The following RBFOX1 variants were observed in gnomAD, a reference collection of about 807,000 sequenced individuals.
The protein encoded by RBFOX1 is RNA binding fox-1 homolog 1.
In RBFOX1, 8 loss-of-function variants were observed where a neutral mutation model predicts 57.7. That is an observed-to-expected ratio of 0.14 (90% CI 0.08 to 0.25). The LOEUF (loss-of-function observed/expected upper bound fraction) is 0.25, where lower values mean the gene tolerates loss of function less well. Among genes scored for constraint, RBFOX1 ranks in the 10% least tolerant of loss-of-function variants. The pLI, the probability that RBFOX1 is intolerant of heterozygous loss-of-function variation, is 1.00. For missense variants in RBFOX1, 611 were observed against 548.5 expected (o/e 1.11, Z -1.14); for synonymous variants, 326 against 222.4 (o/e 1.47, Z -4.15).
intron 3 of RBFOX1, among the ~76,000 whole-genome samples, chr16:5,821,869 C>T (rs2055869502): frequency 6.6e-6 from 1 of 152,188 alleles, no homozygotes; most frequent in Non-Finnish European, 1.5e-5. Context: ...AGCCAGTTTC[C>T]TGCAGCCCTT....
At chr16:5,837,992 C>G (rs987450847) in intron 3 of RBFOX1, 1 of 152,226 alleles carries the variant, frequency 6.6e-6, no homozygotes, top group Non-Finnish European at 1.5e-5. Flanking sequence ...TCTGTGGACT[C>G]CAGTTCTAGG....
At chr16:5,436,167 T>G (rs1442438490) in intron 1 of RBFOX1, among the ~76,000 whole-genome samples, 3 of 152,186 alleles carry the variant, frequency 2.0e-5, no homozygotes, top group African/African-American at 7.2e-5. Flanking sequence ...TGCCTTTCTC[T>G]GGGGAGAGAC....
chr16:6,388,397 A>G (rs2152928449), intron 2 of RBFOX1, among the ~76,000 whole-genome samples: 1 of 152,320 alleles, frequency 6.6e-6, no homozygotes, highest in South Asian at 2.1e-4. Context: ...AAGAGCAGAA[A>G]GAAAGAAATG....
chr16:5,941,946 G>A (rs918864056), intron 4 of RBFOX1, among the ~76,000 whole-genome samples: 2 of 151,304 alleles, frequency 1.3e-5, no homozygotes, highest in South Asian at 2.1e-4. Context: ...AGATAACAAC[G>A]ACCACCATTG....
At chr16:6,641,029 C>T (rs914946672) in intron 2 of RBFOX1, among the ~76,000 whole-genome samples, 9 of 152,164 alleles carry the variant, frequency 5.9e-5, no homozygotes, top group South Asian at 2.1e-4. Context: ...ACTTGATGGG[C>T]GTAAACTCAC....
intron 1 of RBFOX1, chr16:6,092,678 T>G (rs1225719849): frequency 1.3e-5 from 2 of 152,224 alleles, no homozygotes; most frequent in Admixed American, 6.5e-5. Flanking sequence ...TTGTCAACTT[T>G]GTCGAAGATC....
intron 2 of RBFOX1, among the ~76,000 whole-genome samples, chr16:6,634,812 TATA>T (rs1399242029): frequency 1.4e-5 from 2 of 140,006 alleles, no homozygotes; most frequent in South Asian, 2.3e-4. Context: ...TTGTATTATA[TATA>T]ATACAAAGAT....
intron 2 of RBFOX1, among the ~76,000 whole-genome samples, chr16:6,608,929 C>T (rs1279314172): frequency 6.6e-6 from 1 of 152,126 alleles, no homozygotes; most frequent in Non-Finnish European, 1.5e-5. Context: ...CTTTTAGAAT[C>T]CACTCTGCTC....
chr16:7,683,691 A>G (rs569586358), intron 14 of RBFOX1, among the ~76,000 whole-genome samples: 2 of 152,206 alleles, frequency 1.3e-5, no homozygotes, highest in East Asian at 3.9e-4. Flanking sequence ...GGCCACAAAA[A>G]AGGAAATAAA....
At chr16:7,686,536 A>G (rs1369069316) in intron 14 of RBFOX1, among the ~76,000 whole-genome samples, 2 of 151,974 alleles carry the variant, frequency 1.3e-5, no homozygotes, top group Non-Finnish European at 2.9e-5. Flanking sequence ...CTTTGGGTGG[A>G]GAGAGAAAGA....
chr16:6,941,969 C>G (rs929496200), intron 3 of RBFOX1, among the ~76,000 whole-genome samples: 3 of 152,148 alleles, frequency 2.0e-5, no homozygotes, highest in African/African-American at 7.2e-5. Context: ...TGGCTCACAC[C>G]TGTAATCCCA....
In RBFOX1 at chr16:7,187,879, A is replaced by G. The variant is rs558884333; in HGVS notation, c.27+135781A>G. ...TAATTTATGGCGGTCATATTGGAAA[A>G]TGTTCACCATGTATTGTCAAGTGAA... On this transcript the variant is annotated intron_variant, in intron 4 of 15. Transcript: ENST00000550418. Among the ~76,000 whole-genome samples the G allele has an allele frequency of 9.7e-4, 147 of 152,242 alleles. 1 individual carries two copies. Among genetic ancestry groups the G allele is most frequent in the Middle Eastern group, 3.4e-3 (1 of 292 alleles).
intron 2 of RBFOX1, among the ~76,000 whole-genome samples, chr16:6,605,642 T>C (rs1226258403): frequency 6.6e-6 from 1 of 152,232 alleles, no homozygotes; most frequent in Non-Finnish European, 1.5e-5. Flanking sequence ...TTAATACTCG[T>C]TCATTGTTCC....
chr16:6,589,336 G>A (rs551214592), intron 2 of RBFOX1, among the ~76,000 whole-genome samples: 1 of 152,338 alleles, frequency 6.6e-6, no homozygotes, highest in South Asian at 2.1e-4. Context: ...TGGGAGACCA[G>A]CGTGTTGTTA....
intron 1 of RBFOX1, among the ~76,000 whole-genome samples, chr16:6,060,823 G>A (rs993130261): frequency 6.6e-6 from 1 of 152,194 alleles, no homozygotes. Context: ...ATCTACAGGA[G>A]CAGAGATTAC....
intron 1 of RBFOX1, among the ~76,000 whole-genome samples, chr16:6,117,469 A>T (rs565680513): frequency 6.6e-6 from 1 of 152,362 alleles, no homozygotes; most frequent in Non-Finnish European, 1.5e-5. Flanking sequence ...ATGTGATAGG[A>T]TTAAGAGGTG....
intron 1 of RBFOX1, among the ~76,000 whole-genome samples, chr16:5,413,847 T>TG (rs1349309471): frequency 6.6e-6 from 1 of 152,074 alleles, no homozygotes; most frequent in East Asian, 1.9e-4. Context: ...GTAGGGTTGT[T>TG]GGGGGAAGGC....
intron 5 of RBFOX1, among the ~76,000 whole-genome samples, chr16:7,541,524 G>C (rs1489785693): frequency 6.6e-6 from 1 of 152,040 alleles, no homozygotes; most frequent in Admixed American, 6.6e-5. Flanking sequence ...GTCATTTACA[G>C]GATAGGAAAT....
At chr16:5,905,182 C>G (rs1567695314) in intron 4 of RBFOX1, among the ~76,000 whole-genome samples, 1 of 150,182 alleles carries the variant, frequency 6.7e-6, no homozygotes, top group South Asian at 2.1e-4. Flanking sequence ...ATTCTCCTGC[C>G]TCAGCCTCAC....
Sources: allele counts gnomAD v4.1 joint callset (sites outside exome capture counted in the v4.1 genomes callset), GRCh38; gene constraint gnomAD v4.1.1; transcripts MANE v1.5; gene names NCBI Gene and HGNC (gene_info 2026-07-23, HGNC 2026-07-21).